Variants in GRIN2A observed in about 807,000 individuals in gnomAD.
The protein encoded by GRIN2A is glutamate ionotropic receptor NMDA type subunit 2A.
Under a neutral mutation model 113.4 loss-of-function variants are expected in GRIN2A, and 22 were observed. The observed-to-expected ratio is 0.19, with a 90% CI of 0.14 to 0.28. The LOEUF is 0.28. GRIN2A is among the 10% of genes least tolerant of loss of function. The pLI is 1.00. For synonymous variants in GRIN2A, 827 were observed against 738.4 expected (o/e 1.12, Z -1.94); for missense variants, 1,502 against 1,887.0 (o/e 0.80, Z 3.78).
chr16:10,070,869 A>G (rs1460984952), intron 2 of GRIN2A, among the ~76,000 whole-genome samples: 2 of 152,160 alleles, frequency 1.3e-5, no homozygotes, highest in Non-Finnish European at 2.9e-5. Flanking sequence ...TGCTTTTCTC[A>G]TGGGTACTTT....
intron 12 of GRIN2A, among the ~76,000 whole-genome samples, chr16:9,765,559 G>T (rs7202950): frequency 1.8e-4 from 28 of 152,054 alleles, no homozygotes; most frequent in Admixed American, 4.6e-4. Context: ...ACTCTTTGAG[G>T]GGGGGATAGA....
chr16:9,924,201 G>A (rs2044412642), intron 3 of GRIN2A, among the ~76,000 whole-genome samples: 2 of 149,210 alleles, frequency 1.3e-5, no homozygotes, highest in South Asian at 4.2e-4. Flanking sequence ...CTTTTGTGAT[G>A]ATCCATATTC....
chr16:10,110,025 A>G (rs1048290501), intron 2 of GRIN2A, among the ~76,000 whole-genome samples: 2 of 152,092 alleles, frequency 1.3e-5, no homozygotes, highest in African/African-American at 2.4e-5. Flanking sequence ...AGCATTAGCT[A>G]TATCTCCTAA....
At position 9,840,813 on chromosome 16, in the gene GRIN2A, C is replaced by CAA. The variant is rs745951746; in HGVS notation, c.1498-15_1498-14dup. 4,069 of 1,081,416 alleles carry CAA rather than the reference C, an allele frequency of 3.8e-3. 6 individuals are homozygous for CAA. Among genetic ancestry groups the CAA allele is most frequent in the South Asian group, 0.013 (735 of 56,576 alleles). 67.0% of individuals were successfully genotyped at this position (1,081,416 alleles called of 1,614,324 possible). A position where few individuals can be genotyped will look rare whatever the true frequency, so the allele number is the denominator to read the frequency against. ...GTTGATAGACCACCTGGATGCAAGG[C>CAA]AAAAAAAAAAAAAAAAAAAAGAGAG... On this transcript the variant is annotated splice_polypyrimidine_tract_variant and intron_variant, in intron 6 of 12. Coordinates refer to ENST00000330684, the MANE Select transcript of GRIN2A (RefSeq NM_001134407.3).
rs952456061 is a variant in GRIN2A at position 10,083,593 on chromosome 16, C to T, written c.414+96405G>A. Among the ~76,000 whole-genome samples, 8 of 152,324 alleles carry T rather than the reference C, an allele frequency of 5.3e-5. No homozygotes were observed. The South Asian group carries it at 1.0e-3, about 20-fold the overall frequency. On this transcript the variant is annotated intron_variant, in intron 2 of 12. Transcript: ENST00000330684. ...CTGTCTGCATCCTGGACTGAACTTA[C>T]CAAACACGCTCATAGAGCTGCTTCT...
chr16:9,935,512 T>TCTCACACA (rs553803966), intron 3 of GRIN2A, among the ~76,000 whole-genome samples: 3 of 132,902 alleles, frequency 2.3e-5, no homozygotes, highest in South Asian at 5.4e-4. Flanking sequence ...GTCTACTTCA[T>TCTCACACA]CACACACACA....
chr16:9,802,477 C>G (rs1013661738), intron 10 of GRIN2A, among the ~76,000 whole-genome samples: 29 of 152,108 alleles, frequency 1.9e-4, no homozygotes, highest in African/African-American at 7.0e-4. Context: ...AATGGAATCA[C>G]TAATAATCAC....
At position 10,175,040 on chromosome 16, in the gene GRIN2A, T is replaced by C. The variant is rs548104730; in HGVS notation, c.414+4958A>G. 4.6e-5 allele frequency among the ~76,000 whole-genome samples: 7 copies of C among 152,340 alleles called. No homozygotes were observed. In the East Asian group the frequency reaches 1.2e-3, roughly 25 times the overall value. On this transcript the variant is annotated intron_variant, in intron 2 of 12. Transcript: ENST00000330684. ...GTTTAGATACACAAATACTCACCAA[T>C]GTATTACAGTTGCTTACAATATTTA...
At chr16:9,768,419 A>G (rs751476357) in intron 12 of GRIN2A, among the ~76,000 whole-genome samples, 1 of 152,326 alleles carries the variant, frequency 6.6e-6, no homozygotes, top group Non-Finnish European at 1.5e-5. Flanking sequence ...AAATCAGATG[A>G]CATTTTCTCT....
At chr16:10,042,383 C>T (rs1330747255) in intron 2 of GRIN2A, among the ~76,000 whole-genome samples, 1 of 151,936 alleles carries the variant, frequency 6.6e-6, no homozygotes, top group Non-Finnish European at 1.5e-5. Flanking sequence ...TTCAAGCAGC[C>T]CCACGGAGAG....
chr16:10,064,794 T>C (rs547202130), intron 2 of GRIN2A, among the ~76,000 whole-genome samples: 1 of 152,294 alleles, frequency 6.6e-6, no homozygotes, highest in Non-Finnish European at 1.5e-5. Flanking sequence ...CAAATTACTG[T>C]TTGATCCCAT....
At chr16:9,920,566 ATT>A (rs34857622) in intron 3 of GRIN2A, among the ~76,000 whole-genome samples, 2 of 144,426 alleles carry the variant, frequency 1.4e-5, no homozygotes, top group Admixed American at 6.9e-5. Context: ...TGTGAATTGA[ATT>A]TTTTTTTTTT....
At chr16:9,984,565 A>G (rs150600877) in intron 2 of GRIN2A, among the ~76,000 whole-genome samples, 1 of 152,194 alleles carries the variant, frequency 6.6e-6, no homozygotes, top group Non-Finnish European at 1.5e-5. Flanking sequence ...ATCCTTCTGC[A>G]TATGAATATC....
intron 2 of GRIN2A, chr16:10,179,566 A>C (rs939211225): frequency 4.8e-6 from 1 of 209,924 alleles, no homozygotes; most frequent in East Asian, 1.1e-4. Context: ...ACTTACCATA[A>C]GAGGAAAAAA....
At chr16:9,941,916 T>A (rs1352181254) in intron 2 of GRIN2A, among the ~76,000 whole-genome samples, 1 of 152,132 alleles carries the variant, frequency 6.6e-6, no homozygotes, top group Non-Finnish European at 1.5e-5. Flanking sequence ...TTTTTCCAGG[T>A]TCGTACAGGT....
intron 8 of GRIN2A, among the ~76,000 whole-genome samples, chr16:9,830,922 T>A (rs1381931440): frequency 6.6e-6 from 1 of 152,306 alleles, no homozygotes; most frequent in East Asian, 1.9e-4. Context: ...AACGATTTAG[T>A]TTTTTTAGGG....
rs150167434 is a variant in GRIN2A at position 9,913,885 on chromosome 16, A to T, written c.1008-22785T>A. ...GTTTGGGCTTGAAGTTTGAAATAAC[A>T]TTTTTTTTTCCATTTCTCCTTTGGG... On this transcript the variant is annotated intron_variant, in intron 3 of 12. Transcript: ENST00000330684. Among the ~76,000 whole-genome samples, 469 of 151,286 alleles carry T rather than the reference A, an allele frequency of 3.1e-3. 5 individuals are homozygous for T. The highest frequency in any genetic ancestry group is 0.011 in the African/African-American group (445 of 41,286).
chr16:9,772,040 TA>T (rs201450180), intron 11 of GRIN2A, among the ~76,000 whole-genome samples: 1 of 151,890 alleles, frequency 6.6e-6, no homozygotes, highest in African/African-American at 2.4e-5. Context: ...AGTTTTTTTT[TA>T]AAAAAATAGG....
chr16:9,804,203 T>C (rs1433690914), intron 10 of GRIN2A, among the ~76,000 whole-genome samples: 1 of 152,194 alleles, frequency 6.6e-6, no homozygotes, highest in Non-Finnish European at 1.5e-5. Flanking sequence ...AAGTGCTTAA[T>C]TTCCATAGTA....
Sources: allele counts gnomAD v4.1 joint callset (sites outside exome capture counted in the v4.1 genomes callset), GRCh38; gene constraint gnomAD v4.1.1; transcripts MANE v1.5; gene names NCBI Gene and HGNC (gene_info 2026-07-23, HGNC 2026-07-21).